Variants in AOX1 observed in about 807,000 individuals in gnomAD.
The protein encoded by AOX1 is aldehyde oxidase.
In AOX1, 153 loss-of-function variants were observed where a neutral mutation model predicts 169.5. The ratio of observed to expected loss-of-function variants is 0.90; its 90% confidence interval spans 0.79 to 1.03. AOX1 has a LOEUF of 1.03. AOX1 is among the 50% of genes least tolerant of loss of function. The pLI is 0.00. For synonymous variants in AOX1, 562 were observed against 581.9 expected, an observed-to-expected ratio of 0.97 and a Z score of 0.49; for missense variants, 1,656 against 1,663.9, an observed-to-expected ratio of 1.00 and a Z score of 0.08.
intron 25 of AOX1, among the ~76,000 whole-genome samples, chr2:200,645,109 C>A (rs1338230052): frequency 1.3e-5 from 2 of 152,082 alleles, no homozygotes; most frequent in Non-Finnish European, 2.9e-5. Context: ...GAGTGGGCCT[C>A]CTTGTCTTGT....
intron 6 of AOX1, 84 bp from the exon 7 acceptor site, chr2:200,603,183 T>C: frequency 1.9e-6 from 2 of 1,038,382 alleles, no homozygotes; most frequent in South Asian, 2.7e-5. Context: ...TTCAGCATTA[T>C]GTTTCAACTG....
Position 200,599,689 on chromosome 2 carries a change from A to G in AOX1, c.379A>G (p.Thr127Ala). 1.2e-6 allele frequency: 2 copies of G among 1,613,360 alleles called. No individual in the cohort carries two copies. Among genetic ancestry groups the G allele is most frequent in the Non-Finnish European group, 1.7e-6 (2 of 1,179,516 alleles). Residue 127 changes from threonine to alanine, a missense_variant, in exon 5 of 35, where the codon ACG becomes GCG. Physicochemically the swap from Thr to Ala is moderately conservative, Grantham distance 58. Coordinates refer to ENST00000374700, the MANE Select transcript of AOX1 (RefSeq NM_001159.4). ...CTPGMVMSIY[T>A]LLRNHPEPTL... is the part of the protein sequence containing the mutation. The stretch of plus-strand genomic sequence containing the variant: ...ACCTGGGATGGTGATGTCCATCTAC[A>G]CGCTGCTCAGGAACCACCCAGAGCC...
intron 25 of AOX1, among the ~76,000 whole-genome samples, chr2:200,648,782 G>T (rs1291903556): frequency 6.6e-6 from 1 of 152,112 alleles, no homozygotes; most frequent in East Asian, 1.9e-4. Flanking sequence ...TGGGGGATGG[G>T]TGTGAGATTC....
At chr2:200,593,757 C>T (rs2034222852) in intron 2 of AOX1, among the ~76,000 whole-genome samples, 1 of 152,032 alleles carries the variant, frequency 6.6e-6, no homozygotes, top group Non-Finnish European at 1.5e-5. Context: ...CATTTTTCCC[C>T]CTGGAGAGAG....
chr2:200,606,141 C>T (rs1298705893), intron 10 of AOX1, among the ~76,000 whole-genome samples: 1 of 152,078 alleles, frequency 6.6e-6, no homozygotes, highest in Admixed American at 6.6e-5. Flanking sequence ...GTCTTCAATC[C>T]ATCTTGAGTT....
intron 16 of AOX1, among the ~76,000 whole-genome samples, chr2:200,617,768 A>T (rs954834403): frequency 1.3e-4 from 20 of 152,154 alleles, no homozygotes; most frequent in African/African-American, 4.3e-4. Context: ...TTTTAAAAAG[A>T]AGATGTGGGT....
intron 33 of AOX1, 123 bp from the exon 34 acceptor site, chr2:200,669,450 CAA>C (rs113983422): frequency 2.2e-3 from 1,910 of 869,096 alleles, no homozygotes; most frequent in South Asian, 3.9e-3. Context: ...GACTCTGTCT[CAA>C]AAAAAAAAAA....
chr2:200,586,248 C>A, intron 1 of AOX1, 95 bp downstream of exon 1: 1 of 1,307,702 alleles, frequency 7.6e-7, no homozygotes, highest in Non-Finnish European at 1.0e-6. Context: ...TCGTGCCCGC[C>A]GTTTAAGGCA....
chr2:200,673,108 G>A (rs750972103), downstream of AOX1, among the ~76,000 whole-genome samples: 13 of 152,166 alleles, frequency 8.5e-5, no homozygotes, highest in Non-Finnish European at 1.9e-4. Flanking sequence ...AAAGTCGAGG[G>A]TAGATGCCTC....
intron 20 of AOX1, among the ~76,000 whole-genome samples, chr2:200,627,795 G>A (rs958797738): frequency 2.0e-5 from 3 of 152,144 alleles, no homozygotes; most frequent in East Asian, 1.9e-4. Flanking sequence ...GAGGCTCAGC[G>A]TAATTATGGA....
rs918746438 is a variant in AOX1 at position 200,627,694 on chromosome 2, G to A, written c.2221+245G>A. Reference sequence around the variant, plus strand: ...TCCCTGACCCCCCTTCCCTCATCAAGGCTCCAGTTGTTAGAGATGTCATTT... The same window carrying A: ...TCCCTGACCCCCCTTCCCTCATCAAAGCTCCAGTTGTTAGAGATGTCATTT... On this transcript the variant is annotated intron_variant, in intron 20 of 34. Transcript: ENST00000374700. Among the ~76,000 whole-genome samples, 4 of 152,002 alleles carry A rather than the reference G, an allele frequency of 2.6e-5. No individual in the cohort carries two copies. In the East Asian group the frequency reaches 7.7e-4, roughly 29 times the overall value.
intron 8 of AOX1, 29 bp downstream of exon 8, chr2:200,604,126 A>T: frequency 1.3e-6 from 2 of 1,487,610 alleles, no homozygotes; most frequent in Non-Finnish European, 1.9e-6. Flanking sequence ...AGCTCATCCT[A>T]GAAGAATTCA....
At chr2:200,617,481 C>CAAAAAAAAAAAAA (rs35035526) in intron 16 of AOX1, among the ~76,000 whole-genome samples, 3 of 58,198 alleles carry the variant, frequency 5.2e-5, no homozygotes, top group Non-Finnish European at 6.8e-5. Context: ...CAACTAACTG[C>CAAAAAAAAAAAAA]AAAAAAAAAA....
intron 23 of AOX1, among the ~76,000 whole-genome samples, chr2:200,638,848 A>G (rs2035294952): frequency 6.6e-6 from 1 of 152,236 alleles, no homozygotes. Flanking sequence ...GAAACAACTT[A>G]AAAGCTCTTA....
At chr2:200,678,214 G>A (rs140712187), downstream of AOX1, 2 of 152,136 alleles carry the variant, frequency 1.3e-5, no homozygotes, top group Admixed American at 6.5e-5. Flanking sequence ...TGCTGCCAAG[G>A]TCTTGCTTAC....
At position 200,620,726 on chromosome 2, in the gene AOX1, C is replaced by A; in HGVS notation, c.1781C>A (p.Thr594Lys). 1 of 1,605,090 alleles carries A rather than the reference C, an allele frequency of 6.2e-7. No individual in the cohort carries two copies. The highest frequency in any genetic ancestry group is 8.5e-7 in the Non-Finnish European group (1 of 1,177,118). ...CATCTGTCTGGTGTGAAGCATGCCACGGGGGAGGCCATCTACTGTGATGAC... is the reference window on the plus strand; with the variant it reads ...CATCTGTCTGGTGTGAAGCATGCCAAGGGGGAGGCCATCTACTGTGATGAC... ...IMHLSGVKHA[T>K]GEAIYCDDMP... The change falls in exon 17 of 35, where the codon ACG becomes AAG. Residue 594 changes from threonine (T) to lysine (K), a missense_variant. By Grantham distance (78) the Thr-to-Lys change is moderately conservative (BLOSUM62 -1). Transcript: ENST00000374700.
At chr2:200,681,520 A>C (rs777528934), downstream of AOX1, 1 of 152,690 alleles carries the variant, frequency 6.5e-6, no homozygotes, top group Non-Finnish European at 1.5e-5. Flanking sequence ...ACTGTAGAAG[A>C]GTATTGTCCT....
chr2:200,676,719 G>T (rs968719963), intron 4 of AOX1, among the ~76,000 whole-genome samples: 1 of 152,174 alleles, frequency 6.6e-6, no homozygotes, highest in Admixed American at 6.5e-5. Flanking sequence ...AAAGTTCCAG[G>T]TTGGCTTAAA....
At chr2:200,669,806 TGTG>T in intron 34 of AOX1, 64 bp downstream of exon 34, 1 of 1,565,368 alleles carries the variant, frequency 6.4e-7, no homozygotes, top group Non-Finnish European at 8.7e-7. Flanking sequence ...CCTCTGTTCT[TGTG>T]GTAAGTTTTC....
Sources: allele counts gnomAD v4.1 joint callset (sites outside exome capture counted in the v4.1 genomes callset), GRCh38; gene constraint gnomAD v4.1.1; transcripts MANE v1.5; gene names NCBI Gene and HGNC (gene_info 2026-07-23, HGNC 2026-07-21).